Variants in DENND2D observed in about 807,000 individuals in gnomAD.
DENND2D encodes the protein DENN domain containing 2D, also known as DENN domain-containing protein 2D.
Under a neutral mutation model 59.8 loss-of-function variants are expected in DENND2D, and 37 were observed. The ratio of observed to expected loss-of-function variants is 0.62; its 90% CI spans 0.48 to 0.81. The LOEUF (loss-of-function observed/expected upper bound fraction) is 0.81, where lower values mean the gene tolerates loss of function less well. DENND2D is among the 40% of genes least tolerant of loss of function. DENND2D has a pLI of 0.00. For synonymous variants in DENND2D, 219 were observed against 211.3 expected, an observed-to-expected ratio of 1.04 and a Z score of -0.31; for missense variants, 525 against 579.7, an observed-to-expected ratio of 0.91 and a Z score of 0.97.
chr1:111,200,703 T>A (rs754799495), upstream of DENND2D: 65 of 1,292,062 alleles, frequency 5.0e-5, no homozygotes, highest in Non-Finnish European at 6.2e-5. Context: ...ATCCTGGCAC[T>A]GCAGCGCAGA....
At chr1:111,200,683 C>G (rs1268144447), upstream of DENND2D, 2 of 1,322,900 alleles carry the variant, frequency 1.5e-6, no homozygotes, top group Non-Finnish European at 2.0e-6. Flanking sequence ...CCAGCACCAA[C>G]AGAGTCAGCA....
intron 8 of DENND2D, among the ~76,000 whole-genome samples, chr1:111,191,603 C>G (rs762232603): frequency 1.3e-5 from 2 of 152,210 alleles, no homozygotes; most frequent in Non-Finnish European, 2.9e-5. Flanking sequence ...AAAGAGGATT[C>G]AGACCTATAT....
intron 8 of DENND2D, 78 bp from the exon 9 acceptor site, chr1:111,189,331 C>A: frequency 6.6e-7 from 1 of 1,521,810 alleles, no homozygotes. Context: ...TTGATTTCTG[C>A]CTGTGGCTGT....
intron 4 of DENND2D, chr1:111,197,592 T>C (rs914065116): frequency 1.8e-4 from 239 of 1,348,816 alleles, no homozygotes; most frequent in Non-Finnish European, 2.2e-4. Context: ...TTGAAACTAA[T>C]TGTCCAAGTC....
Position 111,186,822 on chromosome 1 carries a change from C to G in DENND2D, c.*783G>C, listed in dbSNP as rs543374183. ...GGGGAAACAGACCTACGTATGGAAG[C>G]CATGTAGTGTTCTTCACAGGCTGCT... On this transcript the variant is annotated 3_prime_UTR_variant, in exon 12 of 12. Coordinates refer to ENST00000357640, the MANE Select transcript of DENND2D (RefSeq NM_024901.5). 3.0e-4 allele frequency among the ~76,000 whole-genome samples: 45 copies of G among 152,276 alleles called. No individual in the cohort carries two copies. The highest frequency in any genetic ancestry group is 3.4e-3 in the Middle Eastern group (1 of 294).
chr1:111,188,055 T>A, intron 11 of DENND2D, 76 bp downstream of exon 11: 1 of 1,553,680 alleles, frequency 6.4e-7, no homozygotes. Flanking sequence ...TAAAGAGAAG[T>A]ATTCTTTCTT....
At chr1:111,203,305 C>T (rs1384301548), upstream of DENND2D, among the ~76,000 whole-genome samples, 2 of 152,200 alleles carry the variant, frequency 1.3e-5, no homozygotes, top group African/African-American at 4.8e-5. Context: ...CCCTGAGGTC[C>T]CCCCAACTCT....
intron 5 of DENND2D, chr1:111,196,817 C>A: frequency 3.8e-6 from 1 of 262,410 alleles, no homozygotes; most frequent in Non-Finnish European, 7.7e-6. Flanking sequence ...TATATCACCT[C>A]ATTTAAGCCT....
chr1:111,189,374 T>C (rs1571172914), intron 8 of DENND2D, 121 bp from the exon 9 acceptor site: 1 of 951,138 alleles, frequency 1.1e-6, no homozygotes, highest in Non-Finnish European at 1.6e-6. Flanking sequence ...AAAATCAATA[T>C]CTTCAGTTCT....
At chr1:111,197,130 G>A in intron 5 of DENND2D, 46 bp downstream of exon 5, 1 of 1,575,460 alleles carries the variant, frequency 6.3e-7, no homozygotes, top group Admixed American at 1.8e-5. Context: ...TTGGCAGCCA[G>A]AGACAGCCTG....
chr1:111,200,297 T>G, intron 1 of DENND2D, 96 bp downstream of exon 1: 1 of 1,493,928 alleles, frequency 6.7e-7, no homozygotes, highest in Non-Finnish European at 9.1e-7. Flanking sequence ...GAGGCCGAGA[T>G]ATAAAGGAAG....
intron 4 of DENND2D, 92 bp from the exon 5 acceptor site, chr1:111,197,345 G>A (rs1159307904): frequency 5.2e-6 from 8 of 1,534,520 alleles, no homozygotes; most frequent in Non-Finnish European, 6.1e-6. Flanking sequence ...TGAGGGCTGG[G>A]GAGGGGGATT....
In DENND2D at chr1:111,188,135, A is replaced by G; in HGVS notation, c.1335T>C (p.Pro445=). Residue 445 remains proline, a synonymous_variant, in exon 11 of 12, where the codon CCT becomes CCC. Coordinates refer to ENST00000357640, the MANE Select transcript of DENND2D (RefSeq NM_024901.5). ...IQEAEKSKNP[P]AGYFQQKILE... ...TGATGGGGACTGTTACTGTACCTGCAGGAGGATTCTTGCTCTTCTCGGCTT... is the reference window on the plus strand; with the variant it reads ...TGATGGGGACTGTTACTGTACCTGCGGGAGGATTCTTGCTCTTCTCGGCTT... The G allele has an allele frequency of 6.2e-7, 1 of 1,614,178 alleles. No homozygotes were observed. Among genetic ancestry groups the G allele is most frequent in the Non-Finnish European group, 8.5e-7 (1 of 1,180,028 alleles).
chr1:111,190,514 A>G (rs993038788), intron 8 of DENND2D, among the ~76,000 whole-genome samples: 2 of 152,190 alleles, frequency 1.3e-5, no homozygotes, highest in African/African-American at 4.8e-5. Context: ...TAAAGTTTGG[A>G]TTTGGGGCTT....
At chr1:111,189,936 G>T (rs184178164) in intron 8 of DENND2D, among the ~76,000 whole-genome samples, 1 of 151,982 alleles carries the variant, frequency 6.6e-6, no homozygotes, top group African/African-American at 2.4e-5. Context: ...AGGCCGAGGC[G>T]GGTGGATCAC....
In DENND2D at chr1:111,187,041, C is replaced by T. The variant is rs77030669; in HGVS notation, c.*564G>A. The T allele has an allele frequency of 8.5e-3, 1,295 of 152,790 alleles. 17 individuals carry two copies. Among genetic ancestry groups the T allele is most frequent in the African/African-American group, 0.03 (1,230 of 41,522 alleles). 9.5% of individuals were successfully genotyped at this position (152,790 alleles called of 1,614,324 possible). A position where few individuals can be genotyped will look rare whatever the true frequency, so the allele number is the denominator to read the frequency against. On this transcript the variant is annotated 3_prime_UTR_variant, in exon 12 of 12. Coordinates refer to ENST00000357640, the MANE Select transcript of DENND2D (RefSeq NM_024901.5). Reference sequence around the variant, plus strand: ...GTTAGAAGAAGTAGAGCTGCTGCCCCCCATGATTCTATCACTCCAAACATA... The same window carrying T: ...GTTAGAAGAAGTAGAGCTGCTGCCCTCCATGATTCTATCACTCCAAACATA...
chr1:111,200,495 C>A lies in DENND2D; in HGVS notation c.-36G>T. Reference sequence around the variant, plus strand: ...TCAGGACAGAGCGGACTCCCCTCTCCCCTAACACAGACAGACTGGTGACAG... The same window carrying A: ...TCAGGACAGAGCGGACTCCCCTCTCACCTAACACAGACAGACTGGTGACAG... On this transcript the variant is annotated 5_prime_UTR_variant, in exon 1 of 12. Coordinates refer to ENST00000357640, the MANE Select transcript of DENND2D (RefSeq NM_024901.5). 6.3e-7 allele frequency: 1 copy of A among 1,584,788 alleles called. No individual in the cohort carries two copies. The highest frequency in any genetic ancestry group is 8.6e-7 in the Non-Finnish European group (1 of 1,165,188).
chr1:111,198,566 C>T (rs41312686), intron 3 of DENND2D, 64 bp downstream of exon 3: 170,592 of 1,501,328 alleles, frequency 0.11, 10,734 homozygotes, highest in Non-Finnish European at 0.13. Flanking sequence ...CTACAGGAGC[C>T]ACAGAACTCA....
In DENND2D at chr1:111,192,178, G is replaced by A. The variant is rs147784861; in HGVS notation, c.934C>T (p.Arg312Cys). The change falls in exon 8 of 12, where the codon CGC (arginine) becomes TGC (cysteine). Residue 312 changes from arginine to cysteine, a missense_variant. Arg to Cys is a radical substitution (Grantham distance 180). Transcript: ENST00000357640. ...PTPFMVGVQM[R>C]FQQEVMDSPM... is the part of the protein sequence containing the mutation. ...CTGTCCATGACCTCCTGCTGGAAGC[G>A]CATTTGTACTCCAACCATGAAGGGG... 62 of 1,612,740 alleles carry A rather than the reference G, an allele frequency of 3.8e-5. No individual in the cohort carries two copies. The highest frequency in any genetic ancestry group is 4.8e-5 in the Non-Finnish European group (57 of 1,179,256).
Sources: allele counts gnomAD v4.1 joint callset (sites outside exome capture counted in the v4.1 genomes callset), GRCh38; gene constraint gnomAD v4.1.1; transcripts MANE v1.5; gene names NCBI Gene and HGNC (gene_info 2026-07-23, HGNC 2026-07-21).